PPP2R2C: variants seen among roughly 807,000 people sequenced by gnomAD.
The protein encoded by PPP2R2C is protein phosphatase 2, regulatory subunit B, gamma.
Under a neutral mutation model 45.3 loss-of-function variants are expected in PPP2R2C, and 10 were observed. The ratio of observed to expected loss-of-function variants is 0.22; its 90% CI spans 0.14 to 0.37. PPP2R2C has a LOEUF of 0.37. PPP2R2C is among the 10% of genes least tolerant of loss of function. PPP2R2C has a pLI of 1.00. For synonymous variants in PPP2R2C, 257 were observed against 245.4 expected (o/e 1.05, Z -0.44); for missense variants, 308 against 619.7 (o/e 0.50, Z 5.34).
In PPP2R2C at chr4:6,345,958, C is replaced by G. The variant is rs372402873; in HGVS notation, c.790+1888G>C. 1.2e-4 allele frequency among the ~76,000 whole-genome samples: 18 copies of G among 152,138 alleles called. No homozygotes were observed. Among genetic ancestry groups the G allele is most frequent in the African/African-American group, 4.3e-4 (18 of 41,422 alleles). On this transcript the variant is annotated intron_variant, in intron 6 of 8. Transcript: ENST00000382599. This position sits in a 1 kb window ranked among gnomAD's most constrained non-coding sequence, Gnocchi z 5.3. ...TGGAACCCAATACGGGCCTCAGGCT[C>G]GCGGGTCTGAAACCTGCCTGCTGGT... is the stretch of plus-strand genomic sequence containing the variant.
intron 1 of PPP2R2C, among the ~76,000 whole-genome samples, chr4:6,545,779 G>A (rs780760390): frequency 6.6e-6 from 1 of 152,330 alleles, no homozygotes; most frequent in East Asian, 1.9e-4. Flanking sequence ...TCAGCTGTAA[G>A]GTAAACACAG....
chr4:6,378,326 A>T lies in PPP2R2C; in HGVS notation c.334+81T>A, dbSNP rs768808779. 24 of 1,599,176 alleles carry T rather than the reference A, an allele frequency of 1.5e-5. No homozygotes were observed. The highest frequency in any genetic ancestry group is 2.0e-5 in the Non-Finnish European group (24 of 1,174,934). On this transcript the variant is annotated intron_variant, in intron 3 of 8. Transcript: ENST00000382599. This position sits in a 1 kb window ranked among gnomAD's most constrained non-coding sequence, Gnocchi z 5.2. ...CTGAAGACATAGAAAAATGCTCACA[A>T]TATAAGTGAAATACAAACCAGCATT...
chr4:6,329,308 C>G lies in PPP2R2C; in HGVS notation c.1006G>C (p.Asp336His), dbSNP rs748566105. 6.2e-7 allele frequency: 1 copy of G among 1,614,214 alleles called. No individual in the cohort carries two copies. Among genetic ancestry groups the G allele is most frequent in the Admixed American group, 1.7e-5 (1 of 60,026 alleles). The stretch of plus-strand genomic sequence containing the variant: ...CATTCAAACTTGTCGAAAATGCAGT[C>G]GTTCTCGTACAGGGAACAGAGCTTG... ...RSKLCSLYEN[D>H]CIFDKFECAW... Residue 336 changes from aspartate to histidine, a missense_variant, in exon 8 of 9, where the codon GAC (aspartate) becomes CAC (histidine). Asp to His is a moderately conservative substitution (Grantham distance 81). Coordinates refer to ENST00000382599, the MANE Select transcript of PPP2R2C (RefSeq NM_020416.4). The surrounding 1 kb of genome is among the most constrained non-coding windows in gnomAD (Gnocchi z 5.8).
At chr4:6,376,451 CTT>C (rs58446685) in intron 3 of PPP2R2C, among the ~76,000 whole-genome samples, 9 of 143,992 alleles carry the variant, frequency 6.3e-5, no homozygotes, top group South Asian at 2.2e-4. Flanking sequence ...AGTGACATGT[CTT>C]TTTTTTTTTT....
chr4:6,463,364 TG>T (rs1332186000), intron 1 of PPP2R2C, among the ~76,000 whole-genome samples: 2 of 93,778 alleles, frequency 2.1e-5, no homozygotes, highest in Non-Finnish European at 4.8e-5. Context: ...TGAGGAGGGG[TG>T]GGGGTGGGGC....
intron 2 of PPP2R2C, among the ~76,000 whole-genome samples, chr4:6,522,707 A>G (rs13114034): frequency 0.074 from 11,327 of 152,336 alleles, 538 homozygotes; most frequent in Middle Eastern, 0.14. Context: ...AGTTTCTGAT[A>G]CCACAGGATG....
At chr4:6,395,784 C>T (rs1182974609) in intron 1 of PPP2R2C, among the ~76,000 whole-genome samples, 1 of 152,208 alleles carries the variant, frequency 6.6e-6, no homozygotes, top group Admixed American at 6.5e-5. Flanking sequence ...CCTGATTGAG[C>T]TGTGGCTGAT....
intron 1 of PPP2R2C, among the ~76,000 whole-genome samples, chr4:6,457,624 T>C (rs1721113022): frequency 6.6e-6 from 1 of 152,158 alleles, no homozygotes; most frequent in Admixed American, 6.5e-5. Context: ...TCCTCCCACC[T>C]CAGCCTCCCA....
intron 2 of PPP2R2C, among the ~76,000 whole-genome samples, chr4:6,484,734 T>C (rs1722476892): frequency 2.0e-5 from 3 of 151,854 alleles, no homozygotes; most frequent in Admixed American, 6.6e-5. Context: ...CTACCTCATA[T>C]CATAACTGGT....
At chr4:6,521,169 G>C (rs1487815702) in intron 2 of PPP2R2C, among the ~76,000 whole-genome samples, 1 of 152,212 alleles carries the variant, frequency 6.6e-6, no homozygotes, top group Non-Finnish European at 1.5e-5. Context: ...ACCACTGCAT[G>C]TTGTCTGAAG....
rs200899904 is a variant in PPP2R2C at position 6,327,075 on chromosome 4, A to G, written c.1052+2187T>C. Among the ~76,000 whole-genome samples, 23 of 152,304 alleles carry G rather than the reference A, an allele frequency of 1.5e-4. No individual in the cohort carries two copies. The East Asian group carries it at 4.4e-3, about 29-fold the overall frequency. ...GACCATGGGGCATGTTGTTCTCAGA[A>G]CAGTGCTCAAAGTGAACTGGGAGGT... On this transcript the variant is annotated intron_variant, in intron 8 of 8. Coordinates refer to ENST00000382599, the MANE Select transcript of PPP2R2C (RefSeq NM_020416.4).
At chr4:6,370,595 C>A (rs532414950) in intron 5 of PPP2R2C, among the ~76,000 whole-genome samples, 8 of 152,216 alleles carry the variant, frequency 5.3e-5, no homozygotes, top group East Asian at 1.9e-4. Flanking sequence ...GAACTGGTCT[C>A]GTTTCTCCTG....
chr4:6,525,361 T>C (rs1724164663), intron 2 of PPP2R2C, among the ~76,000 whole-genome samples: 1 of 152,128 alleles, frequency 6.6e-6, no homozygotes, highest in Admixed American at 6.5e-5. Flanking sequence ...GGCAAGATTG[T>C]GCCGCTGCAC....
At chr4:6,404,645 G>C (rs541971063) in intron 1 of PPP2R2C, among the ~76,000 whole-genome samples, 73 of 127,584 alleles carry the variant, frequency 5.7e-4, no homozygotes, top group African/African-American at 1.8e-3. Flanking sequence ...GAGTTGCAGA[G>C]GGATGCTGGT....
intron 2 of PPP2R2C, among the ~76,000 whole-genome samples, chr4:6,480,032 G>A (rs1021761102): frequency 1.3e-5 from 2 of 151,748 alleles, no homozygotes; most frequent in African/African-American, 4.8e-5. Flanking sequence ...CTTTTCATTT[G>A]AAAAATGAGA....
chr4:6,476,381 A>C (rs999875589), upstream of PPP2R2C, among the ~76,000 whole-genome samples: 1 of 152,140 alleles, frequency 6.6e-6, no homozygotes, highest in Admixed American at 6.5e-5. Flanking sequence ...TTGAGAGGTG[A>C]TTAGGTCCCA....
At chr4:6,401,784 C>G (rs1156495203) in intron 1 of PPP2R2C, among the ~76,000 whole-genome samples, 2 of 152,180 alleles carry the variant, frequency 1.3e-5, no homozygotes, top group African/African-American at 4.8e-5. Flanking sequence ...CACTGGAGAA[C>G]AGCGCTATTT....
chr4:6,377,752 G>T (rs906303382), intron 3 of PPP2R2C, among the ~76,000 whole-genome samples: 6 of 152,172 alleles, frequency 3.9e-5, no homozygotes, highest in African/African-American at 1.2e-4. Context: ...GATGGGCAGG[G>T]GGCGTGAGTG....
chr4:6,411,441 C>T (rs972096913), intron 1 of PPP2R2C, among the ~76,000 whole-genome samples: 2 of 152,098 alleles, frequency 1.3e-5, no homozygotes, highest in African/African-American at 4.8e-5. Flanking sequence ...TCATTCCTCC[C>T]TAGGAAGCCC....
Sources: gnomAD v4.1 joint callset for allele counts (sites outside exome capture counted in the v4.1 genomes callset) on GRCh38, gnomAD v4.1.1 for gene constraint, Gnocchi (gnomAD v3.1) non-coding constraint, MANE v1.5 for transcripts, NCBI Gene and HGNC (gene_info 2026-07-23, HGNC 2026-07-21) for gene names.